CTDSPL2: variants seen among roughly 807,000 people sequenced by gnomAD.
CTDSPL2 encodes the protein CTD small phosphatase-like protein 2.
Under a neutral mutation model 60.0 loss-of-function variants are expected in CTDSPL2, and 5 were observed. That is an observed-to-expected ratio of 0.08 (90% CI 0.04 to 0.18). CTDSPL2 has a LOEUF of 0.18. CTDSPL2 is among the 10% of genes least tolerant of loss of function. CTDSPL2 has a pLI of 1.00. For missense variants in CTDSPL2, 370 were observed against 548.8 expected, an observed-to-expected ratio of 0.67 and a Z score of 3.26; for synonymous variants, 186 against 189.3, an observed-to-expected ratio of 0.98 and a Z score of 0.14.
chr15:44,513,174 T>G (rs994523991), intron 8 of CTDSPL2, among the ~76,000 whole-genome samples: 2 of 151,070 alleles, frequency 1.3e-5, no homozygotes, highest in Non-Finnish European at 2.9e-5. Context: ...TCATTCAAAA[T>G]TTGTCTTCTG....
chr15:44,492,032 T>C (rs1303144921), intron 5 of CTDSPL2, among the ~76,000 whole-genome samples: 1 of 151,972 alleles, frequency 6.6e-6, no homozygotes, highest in African/African-American at 2.4e-5. Context: ...CCCAGCTATT[T>C]TTTTTTTTTA....
intron 2 of CTDSPL2, among the ~76,000 whole-genome samples, chr15:44,471,639 A>G (rs1051206342): frequency 5.9e-5 from 9 of 152,184 alleles, no homozygotes; most frequent in Non-Finnish European, 1.3e-4. Context: ...TATGTTGTAT[A>G]GTAGTATCGT....
At position 44,437,364 on chromosome 15, in the gene CTDSPL2, AC is replaced by A. The variant is rs545960286; in HGVS notation, c.-25+9594del. On this transcript the variant is annotated intron_variant, in intron 1 of 12. Coordinates refer to ENST00000260327, the MANE Select transcript of CTDSPL2 (RefSeq NM_016396.3). The stretch of plus-strand genomic sequence containing the variant: ...TTAGGTAGAAATGTGTGCATTCAAG[AC>A]CTTGGGAGCAGATTATCAACTGAAT... Among the ~76,000 whole-genome samples, 11 of 152,282 alleles carry A rather than the reference AC, an allele frequency of 7.2e-5. No homozygotes were observed. The South Asian group carries it at 2.3e-3, about 32-fold the overall frequency.
intron 5 of CTDSPL2, among the ~76,000 whole-genome samples, chr15:44,492,121 G>A (rs1168643892): frequency 6.6e-6 from 1 of 151,930 alleles, no homozygotes; most frequent in Non-Finnish European, 1.5e-5. Flanking sequence ...TGCCCACCTC[G>A]GCCTCCGAAA....
rs368759092 is a variant in CTDSPL2, at chr15:44,483,119, C to T, written c.187-1105C>T. Among the ~76,000 whole-genome samples, 685 of 152,064 alleles carry T rather than the reference C, an allele frequency of 4.5e-3. 4 individuals carry two copies. Among genetic ancestry groups the T allele is most frequent in the African/African-American group, 0.016 (648 of 41,520 alleles). ...ACTAAGAATACAAAGATTAGCGGGGCGTGGTGGTGCGTGCCTGTAATCCCA... is the reference window on the plus strand; with the variant it reads ...ACTAAGAATACAAAGATTAGCGGGGTGTGGTGGTGCGTGCCTGTAATCCCA... On this transcript the variant is annotated intron_variant, in intron 2 of 12. Transcript: ENST00000260327.
rs550116934 is a variant in CTDSPL2, at chr15:44,432,751, C to G, written c.-25+4979C>G. On this transcript the variant is annotated intron_variant, in intron 1 of 12. Transcript: ENST00000260327. The stretch of plus-strand genomic sequence containing the variant: ...TCTCCTGTCTCAGTCCCCCGAATAG[C>G]TGGCATTACAGGTGCCCGCTATCAC... 1.1e-3 allele frequency among the ~76,000 whole-genome samples: 169 copies of G among 151,798 alleles called. 1 individual carries two copies. Among genetic ancestry groups the G allele is most frequent in the Admixed American group, 2.5e-3 (38 of 15,218 alleles).
intron 8 of CTDSPL2, among the ~76,000 whole-genome samples, chr15:44,509,912 C>T (rs556597231): frequency 1.3e-5 from 2 of 151,118 alleles, no homozygotes; most frequent in African/African-American, 2.4e-5. Context: ...GGCAACAGGG[C>T]GAGACTCCAT....
rs749363455 is a variant in CTDSPL2, at chr15:44,484,277, C to T, written c.240C>T (p.Asn80=). 6 of 1,610,942 alleles carry T rather than the reference C, an allele frequency of 3.7e-6. No homozygotes were observed. In the South Asian group the frequency reaches 6.6e-5, roughly 18 times the overall value. The part of the protein sequence containing the change: ...KRSRIERDID[N]NLITSTPRAG... ...GTAGAATTGAACGTGATATAGATAACAATTTGATCACGTCAACACCAAGAG... is the reference window on the plus strand; with the variant it reads ...GTAGAATTGAACGTGATATAGATAATAATTTGATCACGTCAACACCAAGAG... The change falls in exon 3 of 13, where the codon AAC becomes AAT. Residue 80 remains asparagine, a synonymous_variant. Coordinates refer to ENST00000260327, the MANE Select transcript of CTDSPL2 (RefSeq NM_016396.3).
At chr15:44,453,520 A>G (rs1408684116) in intron 1 of CTDSPL2, among the ~76,000 whole-genome samples, 1 of 151,776 alleles carries the variant, frequency 6.6e-6, no homozygotes, top group African/African-American at 2.4e-5. Flanking sequence ...GGTGTGCTGT[A>G]CCCATTAACT....
rs544732600 is a variant in CTDSPL2, at chr15:44,522,507, C to T, written c.1335+1101C>T. Among the ~76,000 whole-genome samples, 681 of 152,212 alleles carry T rather than the reference C, an allele frequency of 4.5e-3. 4 individuals carry two copies. Among genetic ancestry groups the T allele is most frequent in the African/African-American group, 0.016 (647 of 41,508 alleles). On this transcript the variant is annotated intron_variant, in intron 12 of 12. Coordinates refer to ENST00000260327, the MANE Select transcript of CTDSPL2 (RefSeq NM_016396.3). ...GTGGCTGATGCCTGTAATCCCAGTA[C>T]TTTGGGAGGCCGAGGCAGGCAGATC...
chr15:44,460,259 C>T (rs898272235), intron 2 of CTDSPL2, among the ~76,000 whole-genome samples: 4 of 152,070 alleles, frequency 2.6e-5, no homozygotes, highest in Admixed American at 6.5e-5. Flanking sequence ...TACAGGCGCC[C>T]GCCACCACAC....
chr15:44,463,409 T>C (rs1047851771), intron 2 of CTDSPL2, among the ~76,000 whole-genome samples: 6 of 152,242 alleles, frequency 3.9e-5, no homozygotes, highest in African/African-American at 1.4e-4. Flanking sequence ...CCCAGAGTGC[T>C]GGGATTACAG....
intron 5 of CTDSPL2, among the ~76,000 whole-genome samples, chr15:44,491,899 T>C (rs992232202): frequency 6.6e-6 from 1 of 152,120 alleles, no homozygotes; most frequent in Non-Finnish European, 1.5e-5. Flanking sequence ...TCTCACTCTG[T>C]CGCCCACGCT....
At chr15:44,470,931 T>G (rs2080796075) in intron 2 of CTDSPL2, among the ~76,000 whole-genome samples, 1 of 152,094 alleles carries the variant, frequency 6.6e-6, no homozygotes, top group African/African-American at 2.4e-5. Flanking sequence ...CTATATTGAC[T>G]TCTCAAAAAA....
At chr15:44,464,892 G>C (rs556669269) in intron 2 of CTDSPL2, among the ~76,000 whole-genome samples, 45 of 152,134 alleles carry the variant, frequency 3.0e-4, no homozygotes, top group Admixed American at 2.8e-3. Flanking sequence ...TTTTAATAGA[G>C]ATGGGGTTTC....
intron 3 of CTDSPL2, 139 bp downstream of exon 3, chr15:44,484,501 G>A (rs1019784166): frequency 2.7e-5 from 21 of 766,048 alleles, no homozygotes; most frequent in African/African-American, 7.1e-5. Context: ...TTGGGAGGCC[G>A]AGGTCGGCGG....
chr15:44,523,496 C>T (rs1024076623), intron 12 of CTDSPL2, among the ~76,000 whole-genome samples: 6 of 151,960 alleles, frequency 3.9e-5, no homozygotes, highest in Non-Finnish European at 7.4e-5. Context: ...ATTCCAGCTA[C>T]ACAGGAGGCT....
chr15:44,511,315 A>T (rs1167934137), intron 8 of CTDSPL2, among the ~76,000 whole-genome samples: 1 of 152,242 alleles, frequency 6.6e-6, no homozygotes, highest in Admixed American at 6.5e-5. Context: ...ATATTTAAGT[A>T]TAGTTAAAGT....
chr15:44,444,772 A>G (rs1393112995), intron 1 of CTDSPL2, among the ~76,000 whole-genome samples: 1 of 142,084 alleles, frequency 7.0e-6, no homozygotes, highest in Non-Finnish European at 1.5e-5. Context: ...TAGTTTTCCC[A>G]GTACCAGATA....
Sources: allele counts gnomAD v4.1 joint callset (sites outside exome capture counted in the v4.1 genomes callset), GRCh38; gene constraint gnomAD v4.1.1; transcripts MANE v1.5; gene names NCBI Gene and HGNC (gene_info 2026-07-23, HGNC 2026-07-21).